The following HTT variants were observed in gnomAD, a reference collection of about 807,000 sequenced individuals.
HTT encodes the protein huntington disease protein.
Under a neutral mutation model 362.3 loss-of-function variants are expected in HTT, and 104 were observed. The ratio of observed to expected loss-of-function variants is 0.29; its 90% CI spans 0.24 to 0.34. The LOEUF is 0.34. Among genes scored for constraint, HTT ranks in the 10% least tolerant of loss-of-function variants. The probability of loss-of-function intolerance (pLI) is 1.00; values close to 1 mark genes in which losing one functional copy is unlikely to be tolerated. For missense variants in HTT, 3,301 were observed against 3,928.6 expected (o/e 0.84, Z 4.27); for synonymous variants, 1,577 against 1,548.7 (o/e 1.02, Z -0.43).
chr4:3,088,131 C>T (rs1431207118), intron 2 of HTT, among the ~76,000 whole-genome samples: 1 of 151,592 alleles, frequency 6.6e-6, no homozygotes, highest in Non-Finnish European at 1.5e-5. Flanking sequence ...GCCAGGGCGC[C>T]CGGTGATTCA....
At chr4:3,187,095 G>A (rs1359474975) in intron 38 of HTT, among the ~76,000 whole-genome samples, 1 of 151,468 alleles carries the variant, frequency 6.6e-6, no homozygotes, top group Admixed American at 6.6e-5. Context: ...TCCTGACCTC[G>A]TGACCCGCCC....
chr4:3,132,398 CTTTTTTT>C (rs1054618001), intron 16 of HTT, among the ~76,000 whole-genome samples, 157 bp from the exon 17 acceptor site: 1 of 146,082 alleles, frequency 6.8e-6, no homozygotes, highest in South Asian at 2.2e-4. Context: ...AATCCTGAAA[CTTTTTTT>C]TTTTTAATCA....
chr4:3,088,188 G>GTTTTT (rs1351334116), intron 2 of HTT, among the ~76,000 whole-genome samples: 1 of 100,016 alleles, frequency 1.0e-5, no homozygotes. Flanking sequence ...TTTCACTTTT[G>GTTTTT]TTTTTTTTTT....
chr4:3,078,629 T>A (rs910195967), intron 1 of HTT, among the ~76,000 whole-genome samples: 2 of 152,128 alleles, frequency 1.3e-5, no homozygotes, highest in Non-Finnish European at 2.9e-5. Context: ...AGTGCACTAG[T>A]GTGATCTTGG....
intron 60 of HTT, 119 bp downstream of exon 60, chr4:3,230,161 A>G: frequency 1.9e-5 from 15 of 779,778 alleles, no homozygotes; most frequent in Non-Finnish European, 2.6e-5. Context: ...GTTGACCCGA[A>G]CCGGACTCCA....
intron 5 of HTT, 114 bp from the exon 6 acceptor site, chr4:3,107,171 C>A: frequency 9.7e-7 from 1 of 1,032,222 alleles, no homozygotes; most frequent in Non-Finnish European, 1.4e-6. Flanking sequence ...TTTTCCCCAT[C>A]CCATTAGGGA....
chr4:3,156,566 C>T (rs1449670916), intron 27 of HTT, among the ~76,000 whole-genome samples: 1 of 152,212 alleles, frequency 6.6e-6, no homozygotes, highest in Non-Finnish European at 1.5e-5. Context: ...ACTAAGGACT[C>T]CAAGTCAAAA....
At position 3,148,216 on chromosome 4, in the gene HTT, C is replaced by T; in HGVS notation, c.3498+9C>T. On this transcript the variant is annotated intron_variant, in intron 26 of 66. Transcript: ENST00000355072. ...CTGGACCCGCAATAAAGGTAATGTC[C>T]CACTTGGGTGCTGGATTCATACAGC... 7 of 1,548,316 alleles carry T rather than the reference C, an allele frequency of 4.5e-6. No individual in the cohort carries two copies. The highest frequency in any genetic ancestry group is 6.1e-6 in the Non-Finnish European group (7 of 1,143,452).
At chr4:3,163,204 T>A (rs1455853534) in intron 29 of HTT, among the ~76,000 whole-genome samples, 4 of 152,226 alleles carry the variant, frequency 2.6e-5, no homozygotes, top group Non-Finnish European at 4.4e-5. Context: ...TTGTTGTTGG[T>A]TCTGTTTATG....
rs976304699 is a variant in HTT at position 3,235,494 on chromosome 4, G to A, written c.8572-71G>A. ...ATACCAGTGGGCCAGTTTTGACTTG[G>A]TCGGGAGGAGGCATGAACACCTGAG... On this transcript the variant is annotated intron_variant, in intron 62 of 66. Transcript: ENST00000355072. The A allele has an allele frequency of 2.3e-5, 36 of 1,546,304 alleles. No individual in the cohort carries two copies. The African/African-American group carries it at 4.1e-4, about 18-fold the overall frequency.
Position 3,180,646 on chromosome 4 carries a change from C to A in HTT, c.4744C>A (p.His1582Asn), listed in dbSNP as rs1718469176. 1 of 1,612,068 alleles carries A rather than the reference C, an allele frequency of 6.2e-7. No individual in the cohort carries two copies. Among genetic ancestry groups the A allele is most frequent in the Non-Finnish European group, 8.5e-7 (1 of 1,179,182 alleles). Residue 1582 changes from histidine (H) to asparagine (N), a missense_variant, in exon 36 of 67, where the codon CAT (histidine) becomes AAT (asparagine). His to Asn is a moderately conservative substitution (Grantham distance 68). Transcript: ENST00000355072. Reference sequence around the variant, plus strand: ...AATGTTACTGAGACTCATCCAGTACCATCAGGTAAGAGGAATGTATGTTGG... The same window carrying A: ...AATGTTACTGAGACTCATCCAGTACAATCAGGTAAGAGGAATGTATGTTGG... ...VSMLLRLIQYHQVLEMFILVL... is the reference protein window; with the variant it reads ...VSMLLRLIQYNQVLEMFILVL...
intron 54 of HTT, 103 bp downstream of exon 54, chr4:3,222,590 T>C (rs1341372048): frequency 1.5e-5 from 12 of 812,090 alleles, no homozygotes; most frequent in Non-Finnish European, 2.0e-5. Context: ...TCTTTTTTTC[T>C]CTTACCTTAT....
At chr4:3,231,641 A>C (rs1205200642) in intron 60 of HTT, among the ~76,000 whole-genome samples, 5 of 145,710 alleles carry the variant, frequency 3.4e-5, no homozygotes. Flanking sequence ...CTGGTGACTC[A>C]GCAGCCGTCC....
chr4:3,087,908 T>G lies in HTT; in HGVS notation c.347+886T>G, dbSNP rs181366048. Among the ~76,000 whole-genome samples, 414 of 152,252 alleles carry G rather than the reference T, an allele frequency of 2.7e-3. 1 individual carries two copies. Among genetic ancestry groups the G allele is most frequent in the Middle Eastern group, 0.017 (5 of 294 alleles). On this transcript the variant is annotated intron_variant, in intron 2 of 66. Coordinates refer to ENST00000355072, the MANE Select transcript of HTT (RefSeq NM_001388492.1). Reference sequence around the variant, plus strand: ...TCTTGTTGCCCAGGCTGGAGTGCAATGGCGTGATCTCGGCTCACTGCAACC... The same window carrying G: ...TCTTGTTGCCCAGGCTGGAGTGCAAGGGCGTGATCTCGGCTCACTGCAACC...
intron 56 of HTT, among the ~76,000 whole-genome samples, chr4:3,224,802 C>T (rs986884851): frequency 2.0e-5 from 3 of 152,230 alleles, no homozygotes; most frequent in African/African-American, 4.8e-5. Flanking sequence ...GTGTTATACG[C>T]AGTGTCTATG....
intron 2 of HTT, among the ~76,000 whole-genome samples, chr4:3,098,638 G>A (rs1051519158): frequency 6.6e-6 from 1 of 152,158 alleles, no homozygotes; most frequent in Non-Finnish European, 1.5e-5. Flanking sequence ...TTTTAAAATA[G>A]TTTACAAATA....
In HTT at chr4:3,121,448, G is replaced by A. The variant is rs1218310728; in HGVS notation, c.1273+16G>A. Reference sequence around the variant, plus strand: ...GAACTTATAGGCAAGTTATTAGCAAGGTCTACTCTTACAATTAACTTTGCA... The same window carrying A: ...GAACTTATAGGCAAGTTATTAGCAAAGTCTACTCTTACAATTAACTTTGCA... On this transcript the variant is annotated intron_variant, in intron 9 of 66. Transcript: ENST00000355072. The A allele has an allele frequency of 3.8e-6, 6 of 1,570,520 alleles. No individual in the cohort carries two copies. The highest frequency in any genetic ancestry group is 5.3e-6 in the Non-Finnish European group (6 of 1,141,198).
At chr4:3,220,494 C>G (rs1399855456) in intron 53 of HTT, among the ~76,000 whole-genome samples, 186 bp downstream of exon 53, 2 of 152,144 alleles carry the variant, frequency 1.3e-5, no homozygotes, top group Non-Finnish European at 2.9e-5. Context: ...AAAATAGATC[C>G]CAGTTCCTGT....
rs1166363892 is a variant in HTT, at chr4:3,132,716, C to T, written c.2391C>T (p.Leu797=). ...VGDWMGTIRT[L]TGNTFSLADC... is the part of the protein sequence containing the mutation. Reference sequence around the variant, plus strand: ...ATTGGATGGGCACCATTAGAACCCTCACAGGTAACGGCCAGTTTTTCAGCT... The same window carrying T: ...ATTGGATGGGCACCATTAGAACCCTTACAGGTAACGGCCAGTTTTTCAGCT... Residue 797 remains leucine, a synonymous_variant, in exon 17 of 67, where the codon CTC becomes CTT. Transcript: ENST00000355072. The T allele has an allele frequency of 3.1e-6, 5 of 1,614,188 alleles. No homozygotes were observed. The highest frequency in any genetic ancestry group is 2.2e-5 in the South Asian group (2 of 91,086).
Sources: allele counts gnomAD v4.1 joint callset (sites outside exome capture counted in the v4.1 genomes callset), GRCh38; gene constraint gnomAD v4.1.1; transcripts MANE v1.5; gene names NCBI Gene and HGNC (gene_info 2026-07-23, HGNC 2026-07-21).